Variants in SYNDIG1 observed in about 807,000 individuals in gnomAD.
The protein encoded by SYNDIG1 is synapse differentiation inducing 1.
In SYNDIG1, 9 loss-of-function variants were observed where a neutral mutation model predicts 19.4. The observed-to-expected ratio is 0.46, with a 90% CI of 0.28 to 0.81. The LOEUF (loss-of-function observed/expected upper bound fraction) is 0.81. Ranked by LOEUF, SYNDIG1 falls within the 30% of genes least tolerant of loss-of-function variation. The probability of loss-of-function intolerance (pLI) is 0.12; values close to 1 mark genes in which losing one functional copy is unlikely to be tolerated. For missense variants in SYNDIG1, 311 were observed against 343.3 expected (o/e 0.91, Z 0.74); for synonymous variants, 141 against 145.9 (o/e 0.97, Z 0.24).
intron 2 of SYNDIG1, among the ~76,000 whole-genome samples, chr20:24,544,230 G>A (rs1394271017): frequency 1.3e-5 from 2 of 152,210 alleles, no homozygotes; most frequent in Non-Finnish European, 2.9e-5. Context: ...TGCTGAGTGT[G>A]TGGCACATTG....
At chr20:24,568,554 T>TA (rs1428426335) in intron 2 of SYNDIG1, among the ~76,000 whole-genome samples, 1 of 152,144 alleles carries the variant, frequency 6.6e-6, no homozygotes, top group Non-Finnish European at 1.5e-5. Flanking sequence ...GAAACTGAGA[T>TA]AAAAATGATA....
chr20:24,499,979 G>T (rs954102976), intron 1 of SYNDIG1, among the ~76,000 whole-genome samples: 1 of 152,036 alleles, frequency 6.6e-6, no homozygotes, highest in Non-Finnish European at 1.5e-5. Context: ...TGCTCACTCC[G>T]TACCCACTCA....
chr20:24,563,570 G>T (rs2057985274), intron 2 of SYNDIG1, among the ~76,000 whole-genome samples: 1 of 152,056 alleles, frequency 6.6e-6, no homozygotes. Flanking sequence ...CCCACACAGG[G>T]TTAAATTTCT....
chr20:24,576,812 G>A lies in SYNDIG1; in HGVS notation c.481-8044G>A, dbSNP rs193232174. On this transcript the variant is annotated intron_variant, in intron 2 of 3. Transcript: ENST00000376862. ...ATCCCATCTCTCAGCAATCCAGCAT[G>A]GACGTCCGTAAGGATTCCTAAATCC... 2.0e-5 allele frequency among the ~76,000 whole-genome samples: 3 copies of A among 152,156 alleles called. No individual in the cohort carries two copies. The East Asian group carries it at 5.8e-4, about 29-fold the overall frequency.
At chr20:24,663,841 A>C (rs1421168802) in intron 3 of SYNDIG1, among the ~76,000 whole-genome samples, 1 of 152,130 alleles carries the variant, frequency 6.6e-6, no homozygotes, top group Admixed American at 6.5e-5. Context: ...CCATGACCCT[A>C]ATGAGCAATG....
At chr20:24,638,005 C>T (rs996076803) in intron 3 of SYNDIG1, among the ~76,000 whole-genome samples, 1 of 152,274 alleles carries the variant, frequency 6.6e-6, no homozygotes, top group Non-Finnish European at 1.5e-5. Context: ...CAAGCTGGGA[C>T]TAACATCCAG....
intron 1 of SYNDIG1, among the ~76,000 whole-genome samples, chr20:24,505,535 A>G (rs2056567750): frequency 6.6e-6 from 1 of 152,194 alleles, no homozygotes; most frequent in African/African-American, 2.4e-5. Flanking sequence ...GGGTTTTTGT[A>G]AATGGCACTG....
At chr20:24,587,513 A>G (rs2058436359) in intron 3 of SYNDIG1, among the ~76,000 whole-genome samples, 1 of 152,220 alleles carries the variant, frequency 6.6e-6, no homozygotes, top group African/African-American at 2.4e-5. Context: ...TACAGCCCGC[A>G]CCGCAGATGC....
chr20:24,589,917 C>T (rs564666318), intron 3 of SYNDIG1, among the ~76,000 whole-genome samples: 1 of 152,238 alleles, frequency 6.6e-6, no homozygotes, highest in East Asian at 1.9e-4. Flanking sequence ...ATTCATTTAC[C>T]CACTGATTAG....
chr20:24,579,040 A>G (rs949927503), intron 2 of SYNDIG1, among the ~76,000 whole-genome samples: 1 of 152,246 alleles, frequency 6.6e-6, no homozygotes, highest in African/African-American at 2.4e-5. Flanking sequence ...TATTTAATCA[A>G]CATATAAATG....
intron 1 of SYNDIG1, among the ~76,000 whole-genome samples, chr20:24,523,145 G>C (rs971052234): frequency 1.3e-5 from 2 of 152,210 alleles, no homozygotes; most frequent in African/African-American, 4.8e-5. Flanking sequence ...AGACCCTGAA[G>C]TCAGGCTTCC....
chr20:24,654,650 G>GAGGGAGGAAGGAAGGAAGGAAGGA (rs1374663588), intron 3 of SYNDIG1, among the ~76,000 whole-genome samples: 5 of 117,352 alleles, frequency 4.3e-5, no homozygotes, highest in African/African-American at 1.4e-4. Context: ...GGGAGGGAGG[G>GAGGGAGGAAGGAAGGAAGGAAGGA]AGGAAGGAAG....
chr20:24,640,489 G>GGAAGGAAT (rs1555815313), intron 3 of SYNDIG1, among the ~76,000 whole-genome samples: 2 of 121,096 alleles, frequency 1.7e-5, no homozygotes, highest in Admixed American at 1.8e-4. Flanking sequence ...AAGGAAGGAA[G>GGAAGGAAT]GAAGGAAGGA....
rs2059555569 is a variant in SYNDIG1 at position 24,658,780 on chromosome 20, G to A, written c.619-6566G>A. ...CACAGGCTCTTCTCCCAGCGGGGTCGTCTGCCTCGTTTTCTCCCAGATCCA... is the reference window on the plus strand; with the variant it reads ...CACAGGCTCTTCTCCCAGCGGGGTCATCTGCCTCGTTTTCTCCCAGATCCA... On this transcript the variant is annotated intron_variant, in intron 3 of 3. Coordinates refer to ENST00000376862, the MANE Select transcript of SYNDIG1 (RefSeq NM_024893.3). The surrounding 1 kb of genome is among the most constrained non-coding windows in gnomAD (Gnocchi z 4.4). Among the ~76,000 whole-genome samples the A allele has an allele frequency of 6.6e-6, 1 of 152,126 alleles. No homozygotes were observed. Among genetic ancestry groups the A allele is most frequent in the Admixed American group, 6.5e-5 (1 of 15,280 alleles).
intron 1 of SYNDIG1, among the ~76,000 whole-genome samples, chr20:24,507,488 G>T (rs2056621757): frequency 6.6e-6 from 1 of 152,224 alleles, no homozygotes; most frequent in South Asian, 2.1e-4. Flanking sequence ...CCCCTCCTTT[G>T]TTGGAAGCTC....
intron 3 of SYNDIG1, among the ~76,000 whole-genome samples, chr20:24,611,488 A>G (rs1316365951): frequency 1.3e-5 from 2 of 151,998 alleles, no homozygotes; most frequent in East Asian, 1.9e-4. Flanking sequence ...TTAGGGCTCT[A>G]CTTCCAGCAC....
rs113463831 is a variant in SYNDIG1 at position 24,663,305 on chromosome 20, A to T, written c.619-2041A>T. On this transcript the variant is annotated intron_variant, in intron 3 of 3. Coordinates refer to ENST00000376862, the MANE Select transcript of SYNDIG1 (RefSeq NM_024893.3). ...GTTTCTTGTTAGAGCCAAACATATA[A>T]ACCGGCGTATCAAGGTCCCCCAGCG... 3.3e-5 allele frequency among the ~76,000 whole-genome samples: 5 copies of T among 152,268 alleles called. 1 individual carries two copies. Among genetic ancestry groups the T allele is most frequent in the African/African-American group, 9.6e-5 (4 of 41,556 alleles).
At chr20:24,497,326 G>A (rs544234922) in intron 1 of SYNDIG1, among the ~76,000 whole-genome samples, 2 of 152,164 alleles carry the variant, frequency 1.3e-5, no homozygotes, top group South Asian at 2.1e-4. Context: ...TTGGCCACAC[G>A]AGTAGCTGGG....
At chr20:24,529,353 A>ATGGTGGTGG (rs760336306) in intron 1 of SYNDIG1, among the ~76,000 whole-genome samples, 1 of 151,834 alleles carries the variant, frequency 6.6e-6, no homozygotes, top group African/African-American at 2.4e-5. Context: ...TCTGGTAGTG[A>ATGGTGGTGG]TGGTGGTGGT....
Sources: allele counts gnomAD v4.1 joint callset (sites outside exome capture counted in the v4.1 genomes callset), GRCh38; gene constraint gnomAD v4.1.1; non-coding constraint Gnocchi (gnomAD v3.1); transcripts MANE v1.5; gene names NCBI Gene and HGNC (gene_info 2026-07-23, HGNC 2026-07-21).